SPAG1: variants seen among roughly 807,000 people sequenced by gnomAD.
SPAG1 encodes sperm-associated antigen 1.
A neutral mutation model predicts 100.5 loss-of-function variants in SPAG1; 69 were observed. The ratio of observed to expected loss-of-function variants is 0.69; its 90% CI spans 0.57 to 0.84. The LOEUF (loss-of-function observed/expected upper bound fraction) is 0.84. Ranked by LOEUF, SPAG1 falls within the 40% of genes least tolerant of loss-of-function variation. The probability of loss-of-function intolerance (pLI) is 0.00; values close to 1 mark genes in which losing one functional copy is unlikely to be tolerated. For synonymous variants in SPAG1, 336 were observed against 411.6 expected (o/e 0.82, Z 2.22); for missense variants, 955 against 1,133.1 (o/e 0.84, Z 2.26).
intron 3 of SPAG1, among the ~76,000 whole-genome samples, chr8:100,167,003 G>A (rs1453441985): frequency 1.3e-5 from 2 of 152,106 alleles, no homozygotes; most frequent in Non-Finnish European, 2.9e-5. Context: ...TCTCAGAAAA[G>A]TTGTACCTTC....
At position 100,226,499 on chromosome 8, in the gene SPAG1, T is replaced by A. The variant is rs574343249; in HGVS notation, c.1855+1160T>A. On this transcript the variant is annotated intron_variant, in intron 14 of 18. Coordinates refer to ENST00000388798, the MANE Select transcript of SPAG1 (RefSeq NM_003114.5). ...AAGTGGATCACTTGAGCCCAGGAGT[T>A]CAAGACCAGCCGGGGCAATATGGCG... Among the ~76,000 whole-genome samples, 3 of 152,164 alleles carry A rather than the reference T, an allele frequency of 2.0e-5. No individual in the cohort carries two copies. The South Asian group carries it at 6.2e-4, about 32-fold the overall frequency.
At position 100,162,369 on chromosome 8, in the gene SPAG1, T is replaced by C. The variant is rs1278777571; in HGVS notation, c.89T>C (p.Ile30Thr). The part of the protein sequence containing the change: ...IPIEHLDFKY[I>T]EKCSDVKHLE... ...ATTGAACATCTAGATTTCAAATACATTGAAAAATGTTCAGATGTTAAACAT... is the reference window on the plus strand; with the variant it reads ...ATTGAACATCTAGATTTCAAATACACTGAAAAATGTTCAGATGTTAAACAT... The change falls in exon 2 of 19, where the codon ATT (isoleucine) becomes ACT (threonine). Residue 30 changes from isoleucine to threonine, a missense_variant. By Grantham distance (89) the Ile-to-Thr change is moderately conservative. Transcript: ENST00000388798. 3 of 1,596,710 alleles carry C rather than the reference T, an allele frequency of 1.9e-6. No homozygotes were observed. Among genetic ancestry groups the C allele is most frequent in the Non-Finnish European group, 2.6e-6 (3 of 1,174,036 alleles).
In SPAG1 at chr8:100,183,980, A is replaced by C. The variant is rs919747697; in HGVS notation, c.513A>C (p.Leu171Phe). 2 of 1,543,616 alleles carry C rather than the reference A, an allele frequency of 1.3e-6. No individual in the cohort carries two copies. The highest frequency in any genetic ancestry group is 8.7e-7 in the Non-Finnish European group (1 of 1,148,898). Residue 171 changes from leucine to phenylalanine, a missense_variant, in exon 6 of 19, where the codon TTA (leucine) becomes TTC (phenylalanine). Physicochemically the swap from Leu to Phe is conservative, Grantham distance 22 (BLOSUM62 0). Coordinates refer to ENST00000388798, the MANE Select transcript of SPAG1 (RefSeq NM_003114.5). The part of the protein sequence containing the change: ...WDKFDVEKEC[L>F]KIDEDYKEKT... Reference sequence around the variant, plus strand: ...GATTTGACGTGGAGAAGGAATGTTTAAAAATTGATGAAGATTACAAAGAAA... The same window carrying C: ...GATTTGACGTGGAGAAGGAATGTTTCAAAATTGATGAAGATTACAAAGAAA...
rs1007676224 is a variant in SPAG1 at position 100,213,473 on chromosome 8, G to C, written c.1435+45G>C. The C allele has an allele frequency of 2.5e-5, 33 of 1,345,630 alleles. 1 individual carries two copies. The South Asian group carries it at 4.2e-4, about 17-fold the overall frequency. The allele number at this position is 1,345,630 out of a possible 1,614,324, so 83.4% of individuals were successfully genotyped here. ...CCGCTTCCTGGGCCCCTCGCGCTGC[G>C]GTTCACCCGACCTCCGGGGCCCCCG... On this transcript the variant is annotated intron_variant, in intron 11 of 18. Transcript: ENST00000388798.
chr8:100,211,345 G>A (rs1817709422), intron 10 of SPAG1, among the ~76,000 whole-genome samples: 1 of 152,200 alleles, frequency 6.6e-6, no homozygotes, highest in Non-Finnish European at 1.5e-5. Flanking sequence ...AGGTAAGAAT[G>A]CTTTGCATTC....
intron 14 of SPAG1, among the ~76,000 whole-genome samples, chr8:100,228,772 A>G (rs1818632061): frequency 1.3e-5 from 2 of 152,160 alleles, no homozygotes. Flanking sequence ...TAAGATTACA[A>G]AATTTAAAGG....
At chr8:100,206,732 C>A (rs1817532834) in intron 10 of SPAG1, among the ~76,000 whole-genome samples, 1 of 152,170 alleles carries the variant, frequency 6.6e-6, no homozygotes, top group African/African-American at 2.4e-5. Flanking sequence ...GAAAGAGACA[C>A]AATGCCTGGT....
chr8:100,162,494 A>C, intron 2 of SPAG1, 74 bp downstream of exon 2: 5 of 1,182,854 alleles, frequency 4.2e-6, no homozygotes, highest in Non-Finnish European at 5.8e-6. Context: ...CTAAAGGTAA[A>C]AGCTACATTA....
At chr8:100,202,446 C>G (rs1257290410) in intron 10 of SPAG1, among the ~76,000 whole-genome samples, 8 of 151,676 alleles carry the variant, frequency 5.3e-5, no homozygotes. Context: ...CGCGGTGGCT[C>G]ATGCCTGTAA....
chr8:100,236,479 A>T (rs1048639399), intron 16 of SPAG1, among the ~76,000 whole-genome samples: 1 of 152,174 alleles, frequency 6.6e-6, no homozygotes, highest in Non-Finnish European at 1.5e-5. Flanking sequence ...AACTGCTTAT[A>T]GAATGTGTCA....
In SPAG1 at chr8:100,184,736, G is replaced by A. The variant is rs561006335; in HGVS notation, c.701+3G>A. 16 of 1,542,354 alleles carry A rather than the reference G, an allele frequency of 1.0e-5. No individual in the cohort carries two copies. Among genetic ancestry groups the A allele is most frequent in the Middle Eastern group, 1.7e-4 (1 of 5,944 alleles). Reference sequence around the variant, plus strand: ...GAAGCAGTGATGTATTATACCAGGTGAGCAGATGTTTGTTGGGGTTTAAAC... The same window carrying A: ...GAAGCAGTGATGTATTATACCAGGTAAGCAGATGTTTGTTGGGGTTTAAAC... On this transcript the variant is annotated splice_donor_region_variant and intron_variant, in intron 7 of 18. Coordinates refer to ENST00000388798, the MANE Select transcript of SPAG1 (RefSeq NM_003114.5).
chr8:100,173,095 T>G (rs1220425255), intron 3 of SPAG1, among the ~76,000 whole-genome samples: 1 of 132,616 alleles, frequency 7.5e-6, no homozygotes, highest in Non-Finnish European at 1.5e-5. Flanking sequence ...CAGGCTGGAG[T>G]GCAGTGGCAC....
In SPAG1 at chr8:100,173,033, CTTTTTTTTTTTTTT is replaced by C. The variant is rs149257955; in HGVS notation, c.301-4769_301-4756del. Among the ~76,000 whole-genome samples, 9 of 63,660 alleles carry C rather than the reference CTTTTTTTTTTTTTT, an allele frequency of 1.4e-4. 1 individual carries two copies. Among genetic ancestry groups the C allele is most frequent in the African/African-American group, 2.0e-4 (3 of 14,868 alleles). The allele number at this position is 63,660 out of a possible 152,430, so 41.8% of individuals were successfully genotyped here. On this transcript the variant is annotated intron_variant, in intron 3 of 18. Coordinates refer to ENST00000388798, the MANE Select transcript of SPAG1 (RefSeq NM_003114.5). ...GTGTCTTTGCTCTTCTTGACCACTT[CTTTTTTTTTTTTTT>C]TTTTTTTTTTTTTGAGATGGGGTCT...
chr8:100,201,865 C>G (rs1817290180), intron 10 of SPAG1, among the ~76,000 whole-genome samples: 1 of 152,174 alleles, frequency 6.6e-6, no homozygotes, highest in Admixed American at 6.5e-5. Context: ...GCACCTCTTC[C>G]TCTGTAACCC....
intron 14 of SPAG1, 76 bp from the exon 15 acceptor site, chr8:100,231,080 T>G: frequency 7.6e-7 from 1 of 1,312,698 alleles, no homozygotes; most frequent in Non-Finnish European, 1.0e-6. Flanking sequence ...ATAGAAGATT[T>G]ACTTATAGTT....
intron 7 of SPAG1, among the ~76,000 whole-genome samples, chr8:100,186,741 G>A (rs1816602833): frequency 6.6e-6 from 1 of 152,208 alleles, no homozygotes; most frequent in Non-Finnish European, 1.5e-5. Flanking sequence ...GGAAGTTTGA[G>A]ATCAAGGTGC....
At chr8:100,170,799 CCATT>C (rs1197964904) in intron 3 of SPAG1, among the ~76,000 whole-genome samples, 8 of 134,808 alleles carry the variant, frequency 5.9e-5, no homozygotes, top group South Asian at 2.5e-4. Context: ...TTCCAGTCTG[CCATT>C]TATTTATTTA....
chr8:100,225,876 AG>A (rs34273104), intron 14 of SPAG1, among the ~76,000 whole-genome samples: 1 of 151,976 alleles, frequency 6.6e-6, no homozygotes, highest in African/African-American at 2.4e-5. Context: ...TCTGTCACCC[AG>A]GGTGGAGTCC....
chr8:100,222,173 G>A (rs1160711281), intron 13 of SPAG1, among the ~76,000 whole-genome samples: 1 of 152,168 alleles, frequency 6.6e-6, no homozygotes, highest in Non-Finnish European at 1.5e-5. Context: ...CATCTATCAG[G>A]AGAGGACTTG....
Sources: allele counts gnomAD v4.1 joint callset (sites outside exome capture counted in the v4.1 genomes callset), GRCh38; gene constraint gnomAD v4.1.1; transcripts MANE v1.5; gene names NCBI Gene and HGNC (gene_info 2026-07-23, HGNC 2026-07-21).